The following SCNN1A variants were observed in gnomAD, a reference collection of about 807,000 sequenced individuals.
The protein encoded by SCNN1A is epithelial sodium channel subunit alpha.
Under a neutral mutation model 68.6 loss-of-function variants are expected in SCNN1A, and 65 were observed. That is an observed-to-expected ratio of 0.95 (90% CI 0.78 to 1.16). The LOEUF is 1.16. SCNN1A is among the 50% of genes most tolerant of loss of function. SCNN1A has a pLI of 0.00. For synonymous variants in SCNN1A, 357 were observed against 353.3 expected (o/e 1.01, Z -0.12); for missense variants, 880 against 865.9 (o/e 1.02, Z -0.20).
chr12:6,354,852 T>A lies in SCNN1A; in HGVS notation c.1144-4A>T. ...CCCCAAGTCTGTCCAGGGTTTCCTA[T>A]GAACCCACATACACCAAGAGATCAG... is the stretch of plus-strand genomic sequence containing the variant. On this transcript the variant is annotated splice_polypyrimidine_tract_variant and splice_region_variant and intron_variant, in intron 6 of 12. Coordinates refer to ENST00000228916, the MANE Select transcript of SCNN1A (RefSeq NM_001038.6). The A allele has an allele frequency of 3.1e-6, 5 of 1,610,670 alleles. No individual in the cohort carries two copies. The highest frequency in any genetic ancestry group is 3.4e-6 in the Non-Finnish European group (4 of 1,177,012).
intron 4 of SCNN1A, among the ~76,000 whole-genome samples, chr12:6,358,987 A>G (rs529112774): frequency 6.6e-6 from 1 of 152,234 alleles, no homozygotes; most frequent in Admixed American, 6.6e-5. Flanking sequence ...GAAAGAGGCC[A>G]CTCACAAAAG....
chr12:6,361,201 T>C (rs916955856), intron 4 of SCNN1A, among the ~76,000 whole-genome samples: 2 of 152,186 alleles, frequency 1.3e-5, no homozygotes, highest in Non-Finnish European at 2.9e-5. Flanking sequence ...ACTGAATGAA[T>C]CTCATTTTTT....
At chr12:6,371,643 C>T (rs1199469675) in intron 2 of SCNN1A, among the ~76,000 whole-genome samples, 1 of 151,868 alleles carries the variant, frequency 6.6e-6, no homozygotes. Context: ...GAGGCAGTTA[C>T]TTAACTCTCT....
intron 4 of SCNN1A, chr12:6,356,384 G>T (rs1948497909): frequency 4.9e-6 from 1 of 204,096 alleles, no homozygotes; most frequent in African/African-American, 2.3e-5. Context: ...TAGTTGCATA[G>T]ATCCTGTCAT....
upstream of SCNN1A, chr12:6,377,025 A>C: frequency 2.1e-6 from 1 of 471,226 alleles, no homozygotes; most frequent in Admixed American, 3.8e-5. Context: ...GGGCTAGGGG[A>C]GCCTAGGGGC....
rs1948475694 is a variant in SCNN1A at position 6,355,266 on chromosome 12, C to A, written c.1143+6G>T. On this transcript the variant is annotated splice_donor_region_variant and intron_variant, in intron 6 of 12. Coordinates refer to ENST00000228916, the MANE Select transcript of SCNN1A (RefSeq NM_001038.6). ...TCCTTCCAGGCCTCCCAGTCAGCAT[C>A]CTTGCCTTCCTCATGCTGATGGAGG... 1 of 1,611,780 alleles carries A rather than the reference C, an allele frequency of 6.2e-7. No individual in the cohort carries two copies. The highest frequency in any genetic ancestry group is 8.5e-7 in the Non-Finnish European group (1 of 1,178,942).
At chr12:6,375,727 G>C, upstream of SCNN1A, 1 of 1,422,870 alleles carries the variant, frequency 7.0e-7, no homozygotes, top group Non-Finnish European at 9.2e-7. Context: ...GGCTTTAGAC[G>C]CAGACAGGCA....
chr12:6,363,246 G>A (rs1338705487), intron 3 of SCNN1A, among the ~76,000 whole-genome samples, 197 bp downstream of exon 3: 1 of 151,922 alleles, frequency 6.6e-6, no homozygotes, highest in African/African-American at 2.4e-5. Context: ...CAAAAGCTTG[G>A]GCACCAAGAG....
intron 8 of SCNN1A, among the ~76,000 whole-genome samples, chr12:6,352,385 A>G (rs1199107844): frequency 9.9e-5 from 15 of 152,156 alleles, no homozygotes. Context: ...CCAGGGCTGG[A>G]GATCTTTAGG....
At chr12:6,361,580 T>C (rs929536663) in intron 4 of SCNN1A, among the ~76,000 whole-genome samples, 1 of 151,906 alleles carries the variant, frequency 6.6e-6, no homozygotes, top group Non-Finnish European at 1.5e-5. Context: ...ACGTCTCTAC[T>C]AAAAATAAAA....
chr12:6,352,642 G>C (rs1948407404), intron 8 of SCNN1A, among the ~76,000 whole-genome samples: 1 of 152,168 alleles, frequency 6.6e-6, no homozygotes, highest in African/African-American at 2.4e-5. Flanking sequence ...TCCTCCCCCT[G>C]GACCTTAATT....
At chr12:6,377,158 G>C, upstream of SCNN1A, 6 of 1,039,100 alleles carry the variant, frequency 5.8e-6, no homozygotes, top group Admixed American at 2.2e-5. Flanking sequence ...GGTCCAACCT[G>C]GTCTGTGGCT....
intron 2 of SCNN1A, among the ~76,000 whole-genome samples, chr12:6,371,777 C>T (rs1948798893): frequency 6.6e-6 from 1 of 152,214 alleles, no homozygotes; most frequent in East Asian, 1.9e-4. Flanking sequence ...AAAAGTCTGG[C>T]CCATAAATAT....
At chr12:6,363,420 C>A in intron 3 of SCNN1A, 23 bp downstream of exon 3, 2 of 1,510,348 alleles carry the variant, frequency 1.3e-6, no homozygotes, top group Non-Finnish European at 1.8e-6. Context: ...GCGGGGCGGG[C>A]CCCTCGGCGC....
chr12:6,363,212 C>T (rs1948609810), intron 3 of SCNN1A, among the ~76,000 whole-genome samples: 1 of 151,894 alleles, frequency 6.6e-6, no homozygotes, highest in African/African-American at 2.4e-5. Context: ...AATGCTTCTA[C>T]ATAGGACCCC....
chr12:6,349,976 T>C, intron 8 of SCNN1A: 1 of 193,398 alleles, frequency 5.2e-6, no homozygotes, highest in South Asian at 6.6e-5. Flanking sequence ...TCTGCCCGCC[T>C]CGGCCTCCCA....
At chr12:6,367,481 A>T (rs562634542) in intron 2 of SCNN1A, among the ~76,000 whole-genome samples, 3 of 152,246 alleles carry the variant, frequency 2.0e-5, no homozygotes, top group African/African-American at 7.2e-5. Flanking sequence ...AAACACAGGG[A>T]AGAATTCCAG....
chr12:6,358,527 T>C (rs73261482), intron 4 of SCNN1A, among the ~76,000 whole-genome samples: 25,281 of 151,932 alleles, frequency 0.17, 4,597 homozygotes, highest in African/African-American at 0.46. Flanking sequence ...AGCCAAAAAG[T>C]AGAAACAATC....
intron 4 of SCNN1A, 121 bp downstream of exon 4, chr12:6,361,930 T>C: frequency 8.9e-7 from 1 of 1,117,596 alleles, no homozygotes; most frequent in Non-Finnish European, 1.3e-6. Flanking sequence ...CCCCCTGGCC[T>C]GCTGGCACTG....
Sources: allele counts gnomAD v4.1 joint callset (sites outside exome capture counted in the v4.1 genomes callset), GRCh38; gene constraint gnomAD v4.1.1; transcripts MANE v1.5; gene names NCBI Gene and HGNC (gene_info 2026-07-23, HGNC 2026-07-21).